The following NRXN1 variants were observed in gnomAD, a reference collection of about 807,000 sequenced individuals.
The protein encoded by NRXN1 is neurexin 1.
NRXN1 carries 39 observed loss-of-function variants against 150.9 expected under a neutral mutation model. The observed-to-expected ratio is 0.26, with a 90% CI of 0.20 to 0.34. NRXN1 has a LOEUF of 0.34. NRXN1 is among the 10% of genes least tolerant of loss of function. The pLI, the probability that NRXN1 is intolerant of heterozygous loss-of-function variation, is 1.00. For synonymous variants in NRXN1, 924 were observed against 757.0 expected (o/e 1.22, Z -3.62); for missense variants, 1,815 against 1,949.9 (o/e 0.93, Z 1.30).
At chr2:50,826,881 T>TG (rs1243823006) in intron 5 of NRXN1, among the ~76,000 whole-genome samples, 1 of 152,154 alleles carries the variant, frequency 6.6e-6, no homozygotes, top group Non-Finnish European at 1.5e-5. Flanking sequence ...TTCATCAGCA[T>TG]TTAGATGGCA....
At chr2:50,464,272 AT>A (rs1174197534) in intron 17 of NRXN1, among the ~76,000 whole-genome samples, 1 of 151,758 alleles carries the variant, frequency 6.6e-6, no homozygotes, top group Non-Finnish European at 1.5e-5. Flanking sequence ...CTACAGTGGC[AT>A]GGTTGTTAAA....
chr2:50,816,714 C>G (rs1668993639), intron 5 of NRXN1, among the ~76,000 whole-genome samples: 1 of 152,072 alleles, frequency 6.6e-6, no homozygotes, highest in Non-Finnish European at 1.5e-5. Context: ...AGAAAAGATT[C>G]TGGCCCTGAT....
chr2:50,229,908 G>C (rs2064776776), intron 18 of NRXN1, among the ~76,000 whole-genome samples: 1 of 152,028 alleles, frequency 6.6e-6, no homozygotes, highest in Admixed American at 6.6e-5. Context: ...TGACAGCTTG[G>C]CATAAGAAAC....
intron 8 of NRXN1, among the ~76,000 whole-genome samples, chr2:50,590,674 G>A (rs931570218): frequency 1.3e-5 from 2 of 152,124 alleles, no homozygotes; most frequent in Non-Finnish European, 2.9e-5. Flanking sequence ...TCATAAAAGA[G>A]AGCCCAGAGA....
At position 50,652,932 on chromosome 2, in the gene NRXN1, T is replaced by C. The variant is rs200226731; in HGVS notation, c.833-29317A>G. 2.0e-4 allele frequency among the ~76,000 whole-genome samples: 31 copies of C among 152,196 alleles called. 2 individuals are homozygous for C. In the East Asian group the frequency reaches 6.0e-3, roughly 30 times the overall value. On this transcript the variant is annotated intron_variant, in intron 5 of 22. Transcript: ENST00000401669. ...TTTTAACCATTTCCCTATTGGCTAATGATGTTGAGCCTCTATCATTTGTGT... is the reference window on the plus strand; with the variant it reads ...TTTTAACCATTTCCCTATTGGCTAACGATGTTGAGCCTCTATCATTTGTGT...
chr2:50,223,402 CA>C (rs2064074407), intron 18 of NRXN1, among the ~76,000 whole-genome samples: 1 of 151,902 alleles, frequency 6.6e-6, no homozygotes, highest in African/African-American at 2.4e-5. Context: ...ATCAAATAAC[CA>C]TCGGTCTTGA....
In NRXN1 at chr2:49,943,736, A is replaced by G; in HGVS notation, c.4184T>C (p.Ile1395Thr). 1.2e-6 allele frequency: 2 copies of G among 1,612,538 alleles called. No homozygotes were observed. Among genetic ancestry groups the G allele is most frequent in the Non-Finnish European group, 1.7e-6 (2 of 1,179,318 alleles). Residue 1395 changes from isoleucine (I) to threonine (T), a missense_variant, in exon 22 of 23, where the codon ATT (isoleucine) becomes ACT (threonine). Physicochemically the swap from Ile to Thr is moderately conservative, Grantham distance 89. Coordinates refer to ENST00000401669, the MANE Select transcript of NRXN1 (RefSeq NM_001330078.2). Reference sequence around the variant, plus strand: ...ACCTGAGCTCGGCTCACAGGGGTCAATGTCCTCATCATCGCTGGGACACTC... The same window carrying G: ...ACCTGAGCTCGGCTCACAGGGGTCAGTGTCCTCATCATCGCTGGGACACTC... ...SAECPSDDED[I>T]DPCEPSSGGL...
intron 10 of NRXN1, among the ~76,000 whole-genome samples, chr2:50,536,452 C>A (rs1218168343): frequency 6.6e-6 from 1 of 152,082 alleles, no homozygotes; most frequent in Non-Finnish European, 1.5e-5. Flanking sequence ...ATAAATATTT[C>A]TTCTCTCATC....
intron 14 of NRXN1, among the ~76,000 whole-genome samples, chr2:50,496,864 C>A (rs13428011): frequency 0.06 from 9,104 of 152,212 alleles, 933 homozygotes; most frequent in African/African-American, 0.21. Flanking sequence ...TTTTAAGGCA[C>A]GTTTACACAA....
chr2:50,094,512 G>A (rs373984978), intron 18 of NRXN1, among the ~76,000 whole-genome samples: 1 of 152,222 alleles, frequency 6.6e-6, no homozygotes, highest in East Asian at 1.9e-4. Context: ...GGGTGGCAGC[G>A]GTCAAGGTAG....
chr2:50,426,158 A>C (rs2084469517), intron 17 of NRXN1, among the ~76,000 whole-genome samples: 1 of 152,186 alleles, frequency 6.6e-6, no homozygotes, highest in African/African-American at 2.4e-5. Flanking sequence ...TATCATGTGG[A>C]AACTTGAAAT....
rs574997944 is a variant in NRXN1, at chr2:51,023,696, C to T, written c.772+3806G>A. Among the ~76,000 whole-genome samples, 3 of 152,268 alleles carry T rather than the reference C, an allele frequency of 2.0e-5. No homozygotes were observed. The South Asian group carries it at 6.2e-4, about 32-fold the overall frequency. On this transcript the variant is annotated intron_variant, in intron 2 of 22. Transcript: ENST00000401669. ...GAAAGTAATAATTATTTCTGCACTA[C>T]CATTTTATTGCTTAAGCCTAGTACT...
intron 17 of NRXN1, among the ~76,000 whole-genome samples, chr2:50,240,006 A>G (rs1357618731): frequency 1.3e-5 from 2 of 151,462 alleles, no homozygotes; most frequent in African/African-American, 4.8e-5. Flanking sequence ...GCACAATTAT[A>G]GAACTTGTGG....
At chr2:50,794,637 A>G (rs1474394491) in intron 5 of NRXN1, among the ~76,000 whole-genome samples, 2 of 152,164 alleles carry the variant, frequency 1.3e-5, no homozygotes, top group Non-Finnish European at 2.9e-5. Context: ...AGCATAATTT[A>G]CTTTCCCAGA....
At chr2:50,885,371 CT>C (rs1680070920) in intron 5 of NRXN1, among the ~76,000 whole-genome samples, 1 of 146,584 alleles carries the variant, frequency 6.8e-6, no homozygotes, top group African/African-American at 2.5e-5. Flanking sequence ...GTTAAACTTG[CT>C]AACCATAAAC....
At chr2:50,630,461 C>T (rs1682074489) in intron 5 of NRXN1, among the ~76,000 whole-genome samples, 3 of 151,684 alleles carry the variant, frequency 2.0e-5, no homozygotes, top group East Asian at 1.9e-4. Context: ...ATTAATTTGA[C>T]CCAATGCCTC....
intron 21 of NRXN1, among the ~76,000 whole-genome samples, chr2:49,995,828 G>T: frequency 1.7e-5 from 2 of 116,754 alleles, no homozygotes; most frequent in Non-Finnish European, 3.5e-5. Flanking sequence ...AAAATAGCCT[G>T]TACTTCAAGT....
At chr2:50,486,349 C>G (rs539074911) in intron 15 of NRXN1, among the ~76,000 whole-genome samples, 1 of 152,278 alleles carries the variant, frequency 6.6e-6, no homozygotes, top group Non-Finnish European at 1.5e-5. Context: ...GATAGTTTTT[C>G]TCACGAAAAC....
At chr2:50,924,521 T>C (rs555875977) in intron 3 of NRXN1, among the ~76,000 whole-genome samples, 1 of 151,668 alleles carries the variant, frequency 6.6e-6, no homozygotes, top group African/African-American at 2.4e-5. Flanking sequence ...GCAAAAGAAG[T>C]TGAAAAGATA....
Sources: gnomAD v4.1 joint callset for allele counts (sites outside exome capture counted in the v4.1 genomes callset) on GRCh38, gnomAD v4.1.1 for gene constraint, MANE v1.5 for transcripts, NCBI Gene and HGNC (gene_info 2026-07-23, HGNC 2026-07-21) for gene names.